GNG7: variants seen among roughly 807,000 people sequenced by gnomAD.
The protein encoded by GNG7 is G protein subunit gamma 7, also known as guanine nucleotide-binding protein G(I)/G(S)/G(O) subunit gamma-7.
In GNG7, 1 loss-of-function variant was observed where a neutral mutation model predicts 4.0. The observed-to-expected ratio is 0.25, with a 90% CI of 0.09 to 1.18. The LOEUF (loss-of-function observed/expected upper bound fraction) is 1.18. GNG7 is among the 50% of genes most tolerant of loss of function. The pLI is 0.50. For missense variants in GNG7, 86 were observed against 91.9 expected (o/e 0.94, Z 0.26); for synonymous variants, 34 against 36.9 (o/e 0.92, Z 0.29).
chr19:2,692,743 G>A (rs1913163744), intron 1 of GNG7, among the ~76,000 whole-genome samples: 1 of 151,830 alleles, frequency 6.6e-6, no homozygotes, highest in Non-Finnish European at 1.5e-5. Flanking sequence ...TCTAGAATGT[G>A]GGCCGGCTGC....
intron 4 of GNG7, among the ~76,000 whole-genome samples, chr19:2,516,381 C>T (rs1011750356): frequency 2.0e-5 from 3 of 151,980 alleles, no homozygotes; most frequent in Non-Finnish European, 4.4e-5. Context: ...CCTGCCACCA[C>T]GCCCAGCTAA....
At chr19:2,559,662 G>A (rs934407827) in intron 2 of GNG7, among the ~76,000 whole-genome samples, 1 of 144,518 alleles carries the variant, frequency 6.9e-6, no homozygotes, top group South Asian at 2.1e-4. Context: ...TTACAGGCAT[G>A]CACCGCCATG....
chr19:2,553,781 T>C (rs1459833667), intron 3 of GNG7, among the ~76,000 whole-genome samples: 1 of 145,984 alleles, frequency 6.9e-6, no homozygotes, highest in South Asian at 2.1e-4. Context: ...TAATGTTATA[T>C]CACACACATG....
chr19:2,691,558 T>A (rs1913135950), intron 1 of GNG7, among the ~76,000 whole-genome samples: 1 of 144,276 alleles, frequency 6.9e-6, no homozygotes, highest in South Asian at 2.2e-4. Context: ...AAAATAAAAA[T>A]TAAAAAAATA....
intron 3 of GNG7, among the ~76,000 whole-genome samples, chr19:2,541,335 T>C (rs1353153438): frequency 6.6e-6 from 1 of 151,860 alleles, no homozygotes; most frequent in Non-Finnish European, 1.5e-5. Context: ...TAAATGTTCT[T>C]GGGGAAGCGA....
chr19:2,609,792 G>A lies in GNG7; in HGVS notation c.-78+36432C>T, dbSNP rs1265589745. ...AGCTCACAGCTGCAGACTGGCCACC[G>A]TAGGACAATCCAGTGGGACCTGGGG... On this transcript the variant is annotated intron_variant, in intron 2 of 4. Coordinates refer to ENST00000382159, the MANE Select transcript of GNG7 (RefSeq NM_052847.3). The surrounding 1 kb of genome is among the most constrained non-coding windows in gnomAD (Gnocchi z 4.4). 3.3e-5 allele frequency among the ~76,000 whole-genome samples: 5 copies of A among 152,278 alleles called. No homozygotes were observed. The East Asian group carries it at 7.7e-4, about 23-fold the overall frequency.
In GNG7 at chr19:2,587,925, G is replaced by A. The variant is rs569922550; in HGVS notation, c.-77-32737C>T. ...GAAAAGAAGGAGAGAGAGAGAGAAG[G>A]AAGGAAGGAAAGAAAAGAAAAAGAA... On this transcript the variant is annotated intron_variant, in intron 2 of 4. Transcript: ENST00000382159. Among the ~76,000 whole-genome samples, 4 of 151,508 alleles carry A rather than the reference G, an allele frequency of 2.6e-5. No homozygotes were observed. The East Asian group carries it at 7.7e-4, about 29-fold the overall frequency.
At chr19:2,644,958 A>G (rs1026743013) in intron 2 of GNG7, among the ~76,000 whole-genome samples, 2 of 152,184 alleles carry the variant, frequency 1.3e-5, no homozygotes, top group African/African-American at 4.8e-5. Flanking sequence ...ATTACCTCTC[A>G]TGACCATTGA....
intron 1 of GNG7, among the ~76,000 whole-genome samples, chr19:2,651,125 C>G (rs1288430215): frequency 6.6e-6 from 1 of 152,162 alleles, no homozygotes; most frequent in Admixed American, 6.5e-5. Flanking sequence ...AGGCCATGGA[C>G]AGTGGTGGTG....
chr19:2,700,066 ACT>A (rs935491053), intron 1 of GNG7, among the ~76,000 whole-genome samples: 16 of 151,044 alleles, frequency 1.1e-4, no homozygotes, highest in African/African-American at 3.9e-4. Flanking sequence ...CATATTTGAG[ACT>A]CTGTCTCAAC....
At chr19:2,583,863 T>A (rs1873299665) in intron 2 of GNG7, among the ~76,000 whole-genome samples, 1 of 152,096 alleles carries the variant, frequency 6.6e-6, no homozygotes, top group East Asian at 1.9e-4. Context: ...CCATATTTGA[T>A]AATGTGGAAA....
rs561307927 is a variant in GNG7, at chr19:2,633,196, C to T, written c.-78+13028G>A. 9.2e-5 allele frequency among the ~76,000 whole-genome samples: 14 copies of T among 152,334 alleles called. No individual in the cohort carries two copies. In the South Asian group the frequency reaches 2.9e-3, roughly 32 times the overall value. On this transcript the variant is annotated intron_variant, in intron 2 of 4. Coordinates refer to ENST00000382159, the MANE Select transcript of GNG7 (RefSeq NM_052847.3). This position sits in a 1 kb window ranked among gnomAD's most constrained non-coding sequence, Gnocchi z 5.9. ...AGGAAAATTAGCATCCAACGGGCCT[C>T]ATCATTGCTGTCCTGGGCAATGGAC...
At chr19:2,555,639 CTG>C (rs1979518045) in intron 2 of GNG7, among the ~76,000 whole-genome samples, 1 of 152,168 alleles carries the variant, frequency 6.6e-6, no homozygotes, top group Non-Finnish European at 1.5e-5. Flanking sequence ...AAAGTGGAAA[CTG>C]GGGACAAACC....
At chr19:2,589,928 C>G (rs1372920324) in intron 2 of GNG7, among the ~76,000 whole-genome samples, 1 of 152,236 alleles carries the variant, frequency 6.6e-6, no homozygotes, top group Non-Finnish European at 1.5e-5. Flanking sequence ...TCTTCTACCT[C>G]AGCCTCCCGA....
At chr19:2,663,196 T>G (rs367744434) in intron 1 of GNG7, among the ~76,000 whole-genome samples, 6 of 152,314 alleles carry the variant, frequency 3.9e-5, no homozygotes, top group Middle Eastern at 3.4e-3. Flanking sequence ...AGTTTGAATG[T>G]GTCTCCCAAA....
In GNG7 at chr19:2,512,766, G is replaced by T. The variant is rs1972673679; in HGVS notation, c.*2256C>A. Reference sequence around the variant, plus strand: ...CCTCTTTTAAGGAAAAACGGGGTGGGGTGTGTTTGTTCCCAGTTACCAAGA... The same window carrying T: ...CCTCTTTTAAGGAAAAACGGGGTGGTGTGTGTTTGTTCCCAGTTACCAAGA... On this transcript the variant is annotated 3_prime_UTR_variant, in exon 5 of 5. Transcript: ENST00000382159. The surrounding 1 kb of genome is among the most constrained non-coding windows in gnomAD (Gnocchi z 4.7). 2 of 368,224 alleles carry T rather than the reference G, an allele frequency of 5.4e-6. No individual in the cohort carries two copies. Among genetic ancestry groups the T allele is most frequent in the Admixed American group, 6.4e-5 (1 of 15,506 alleles). 22.8% of individuals were successfully genotyped at this position (368,224 alleles called of 1,614,324 possible).
At chr19:2,587,974 G>A (rs999773223) in intron 2 of GNG7, among the ~76,000 whole-genome samples, 7 of 152,026 alleles carry the variant, frequency 4.6e-5, no homozygotes, top group Admixed American at 2.6e-4. Context: ...ACAAGATAAG[G>A]GTGGCCACTC....
intron 2 of GNG7, among the ~76,000 whole-genome samples, chr19:2,608,842 A>G (rs1223721293): frequency 6.6e-6 from 1 of 152,226 alleles, no homozygotes; most frequent in Non-Finnish European, 1.5e-5. Context: ...CTGCAACCAC[A>G]GCCAAAATCA....
chr19:2,554,086 T>C (rs953119939), intron 3 of GNG7, among the ~76,000 whole-genome samples: 7 of 147,524 alleles, frequency 4.7e-5, no homozygotes, highest in Admixed American at 2.7e-4. Flanking sequence ...AAGGGATTGC[T>C]TGAACCCAGG....
Sources: allele counts gnomAD v4.1 joint callset (sites outside exome capture counted in the v4.1 genomes callset), GRCh38; gene constraint gnomAD v4.1.1; non-coding constraint Gnocchi (gnomAD v3.1); transcripts MANE v1.5; gene names NCBI Gene and HGNC (gene_info 2026-07-23, HGNC 2026-07-21).